The following POMGNT1 variants were observed in gnomAD, a reference collection of about 807,000 sequenced individuals.
POMGNT1 encodes protein O-linked-mannose beta-1,2-N-acetylglucosaminyltransferase 1.
Under a neutral mutation model 95.6 loss-of-function variants are expected in POMGNT1, and 67 were observed. The ratio of observed to expected loss-of-function variants is 0.70; its 90% confidence interval spans 0.58 to 0.86. The LOEUF is 0.86. POMGNT1 is among the 40% of genes least tolerant of loss of function. The probability of loss-of-function intolerance (pLI) is 0.00; values close to 1 mark genes in which losing one functional copy is unlikely to be tolerated. For missense variants in POMGNT1, 719 were observed against 855.2 expected (o/e 0.84, Z 1.99); for synonymous variants, 298 against 317.9 (o/e 0.94, Z 0.66).
At chr1:46,197,561 T>A (rs957361989) in intron 2 of POMGNT1, 141 bp downstream of exon 2, 4 of 1,558,486 alleles carry the variant, frequency 2.6e-6, no homozygotes, top group Non-Finnish European at 3.5e-6. Flanking sequence ...TATAGGGACA[T>A]GACACATAGA....
Position 46,194,461 on chromosome 1 carries a change from G to A in POMGNT1, c.752-60C>T, listed in dbSNP as rs1014402092. 3.7e-6 allele frequency: 6 copies of A among 1,614,010 alleles called. No individual in the cohort carries two copies. In the African/African-American group the frequency reaches 4.0e-5, roughly 11 times the overall value. On this transcript the variant is annotated intron_variant, in intron 8 of 21. Coordinates refer to ENST00000371984, the MANE Select transcript of POMGNT1 (RefSeq NM_017739.4). The stretch of plus-strand genomic sequence containing the variant: ...GGCCAGCAAGGTTTGAAGAGCCCCA[G>A]GCACACAATCAAAGGAATAAAGCTC...
upstream of POMGNT1, among the ~76,000 whole-genome samples, chr1:46,199,143 T>C (rs187609823): frequency 9.6e-4 from 146 of 152,322 alleles, no homozygotes; most frequent in African/African-American, 3.4e-3. Context: ...GGTTTCACCA[T>C]GTTGGCCAGG....
rs1184011635 is a variant in POMGNT1, at chr1:46,196,425, C to G, written c.354+306G>C. ...ACTTTCAGGTCCCCAGTGCCCAGCA[C>G]AAGGCTGAGGCCAAAGAAAGGACCA... On this transcript the variant is annotated intron_variant, in intron 4 of 21. Coordinates refer to ENST00000371984, the MANE Select transcript of POMGNT1 (RefSeq NM_017739.4). The surrounding 1 kb of genome is among the most constrained non-coding windows in gnomAD (Gnocchi z 4.4). Among the ~76,000 whole-genome samples, 1 of 152,224 alleles carries G rather than the reference C, an allele frequency of 6.6e-6. No homozygotes were observed. Among genetic ancestry groups the G allele is most frequent in the African/African-American group, 2.4e-5 (1 of 41,444 alleles).
At chr1:46,209,058 C>T (rs1658810591) in intron 1 of POMGNT1, among the ~76,000 whole-genome samples, 1 of 151,988 alleles carries the variant, frequency 6.6e-6, no homozygotes, top group Non-Finnish European at 1.5e-5. Context: ...GAGTTTTGCT[C>T]TTGTTGCCCA....
upstream of POMGNT1, among the ~76,000 whole-genome samples, chr1:46,201,697 C>CAAA (rs59930051): frequency 3.5e-5 from 3 of 85,976 alleles, no homozygotes; most frequent in African/African-American, 8.8e-5. Flanking sequence ...GACTCCATCT[C>CAAA]AAAAAAAAAA....
chr1:46,217,455 G>A (rs1158703111), intron 1 of POMGNT1, among the ~76,000 whole-genome samples: 2 of 152,208 alleles, frequency 1.3e-5, no homozygotes, highest in Non-Finnish European at 2.9e-5. Flanking sequence ...GCTGTGAAGA[G>A]CATTTCCAAA....
At chr1:46,197,441 AG>A in intron 2 of POMGNT1, 1 of 1,492,182 alleles carries the variant, frequency 6.7e-7, no homozygotes, top group Non-Finnish European at 8.9e-7. Context: ...ACTGCCTCAC[AG>A]GGGTGTGCCT....
chr1:46,220,233 C>T, exon 1 of POMGNT1: 4 of 1,585,960 alleles, frequency 2.5e-6, no homozygotes, highest in Non-Finnish European at 3.4e-6. Flanking sequence ...ACTATTCCAC[C>T]CTTTTGTAAT....
At chr1:46,191,415 G>C (rs147988127) in intron 17 of POMGNT1, 35 of 179,576 alleles carry the variant, frequency 1.9e-4, no homozygotes, top group Non-Finnish European at 3.9e-4. Context: ...TGAAGCATAG[G>C]CTCCAGCACT....
At chr1:46,219,134 A>G (rs1222570548) in intron 1 of POMGNT1, among the ~76,000 whole-genome samples, 1 of 151,964 alleles carries the variant, frequency 6.6e-6, no homozygotes, top group East Asian at 1.9e-4. Context: ...TGTCTCTACT[A>G]AAAATACAAA....
At position 46,188,693 on chromosome 1, in the gene POMGNT1, T is replaced by C. The variant is rs1243174793; in HGVS notation, c.*577A>G. ...CAATCACAAGACATCCCCAGAGGGC[T>C]TCTCCTTTTTTAATCAATGACCAAC... On this transcript the variant is annotated 3_prime_UTR_variant, in exon 22 of 22. Coordinates refer to ENST00000371984, the MANE Select transcript of POMGNT1 (RefSeq NM_017739.4). 6.3e-7 allele frequency: 1 copy of C among 1,595,350 alleles called. No individual in the cohort carries two copies. Among genetic ancestry groups the C allele is most frequent in the Admixed American group, 1.7e-5 (1 of 58,704 alleles).
chr1:46,196,172 C>G lies in POMGNT1; in HGVS notation c.355-95G>C. On this transcript the variant is annotated intron_variant, in intron 4 of 21. Coordinates refer to ENST00000371984, the MANE Select transcript of POMGNT1 (RefSeq NM_017739.4). The surrounding 1 kb of genome is among the most constrained non-coding windows in gnomAD (Gnocchi z 4.4). ...TTAAAACACCAGCTGCTTGAAACAT[C>G]ACCTCCTGCCTATGTTTCTGTTCAC... The G allele has an allele frequency of 6.3e-7, 1 of 1,591,370 alleles. No homozygotes were observed. Among genetic ancestry groups the G allele is most frequent in the South Asian group, 1.1e-5 (1 of 88,538 alleles).
In POMGNT1 at chr1:46,193,550, C is replaced by T. The variant is rs371339333; in HGVS notation, c.1026+14G>A. ...GTTGTACTCCACCCGAGGCACCCCC[C>T]AAGTCCTGCTCACCTCATAGTAGCC... On this transcript the variant is annotated intron_variant, in intron 11 of 21. Transcript: ENST00000371984. 6.2e-7 allele frequency: 1 copy of T among 1,614,196 alleles called. No homozygotes were observed. Among genetic ancestry groups the T allele is most frequent in the South Asian group, 1.1e-5 (1 of 91,078 alleles).
chr1:46,194,087 C>G (rs1349038824), intron 9 of POMGNT1, among the ~76,000 whole-genome samples, 162 bp from the exon 10 acceptor site: 1 of 152,200 alleles, frequency 6.6e-6, no homozygotes, highest in African/African-American at 2.4e-5. Context: ...CAGCCCAACT[C>G]TAGCGCTGAG....
In POMGNT1 at chr1:46,189,870, C is replaced by T. The variant is rs386834019; in HGVS notation, c.1769G>A (p.Trp590Ter). The T allele has an allele frequency of 4.3e-6, 7 of 1,613,762 alleles. No individual in the cohort carries two copies. Among genetic ancestry groups the T allele is most frequent in the Non-Finnish European group, 5.1e-6 (6 of 1,180,012 alleles). ...RMEKDDDFTT[W>*]TQLAKCLHIW... ...TTGGAGCACCTTGGCAAGCTGGGTC[C>T]AGGTGGTGAAGTCATCATCTTTCTC... is the stretch of plus-strand genomic sequence containing the variant. Residue 590 changes from tryptophan to a stop codon, truncating the protein, a stop_gained, in exon 20 of 22, where the codon TGG becomes TAG. Coordinates refer to ENST00000371984, the MANE Select transcript of POMGNT1 (RefSeq NM_017739.4). LOFTEE classifies it high-confidence loss of function.
chr1:46,196,947 C>T lies in POMGNT1; in HGVS notation c.235+23G>A. ...CAGCTGTGAGATCCAAGGCCCCCTA[C>T]CCCATCCTTAGCCTAGCCCTACCAT... On this transcript the variant is annotated intron_variant, in intron 3 of 21. Transcript: ENST00000371984. This position sits in a 1 kb window ranked among gnomAD's most constrained non-coding sequence, Gnocchi z 4.4. 6.2e-7 allele frequency: 1 copy of T among 1,614,196 alleles called. No homozygotes were observed. Among genetic ancestry groups the T allele is most frequent in the African/African-American group, 1.3e-5 (1 of 75,054 alleles).
upstream of POMGNT1, among the ~76,000 whole-genome samples, chr1:46,201,528 G>A (rs562879648): frequency 1.5e-3 from 230 of 151,346 alleles, 1 homozygote; most frequent in African/African-American, 5.4e-3. Flanking sequence ...TGAAACCCCC[G>A]TCTCTACTAA....
At chr1:46,215,317 A>T (rs1200016548) in intron 1 of POMGNT1, among the ~76,000 whole-genome samples, 1 of 152,146 alleles carries the variant, frequency 6.6e-6, no homozygotes, top group African/African-American at 2.4e-5. Context: ...TGTCCAAGTA[A>T]TAGGATTCCC....
rs570505501 is a variant in POMGNT1 at position 46,219,514 on chromosome 1, C to A, written c.-51+191G>T. Among the ~76,000 whole-genome samples the A allele has an allele frequency of 6.6e-5, 10 of 152,292 alleles. No homozygotes were observed. In the South Asian group the frequency reaches 1.2e-3, roughly 19 times the overall value. ...GAGGCTCAAAGAAGATATGTCTAATCAGTGGTAGAGCTGAAATGTTAGGCA... is the reference window on the plus strand; with the variant it reads ...GAGGCTCAAAGAAGATATGTCTAATAAGTGGTAGAGCTGAAATGTTAGGCA... On this transcript the variant is annotated intron_variant, in intron 1 of 22. Coordinates refer to the POMGNT1 transcript ENST00000371992.
Sources: gnomAD v4.1 joint callset for allele counts (sites outside exome capture counted in the v4.1 genomes callset) on GRCh38, gnomAD v4.1.1 for gene constraint, Gnocchi (gnomAD v3.1) non-coding constraint, MANE v1.5 for transcripts, NCBI Gene and HGNC (gene_info 2026-07-23, HGNC 2026-07-21) for gene names.